Variants in TMEM181 observed in about 807,000 individuals in gnomAD.
The protein encoded by TMEM181 is transmembrane protein 181.
In TMEM181, 39 loss-of-function variants were observed where a neutral mutation model predicts 71.9. That is an observed-to-expected ratio of 0.54 (90% CI 0.42 to 0.71). The LOEUF (loss-of-function observed/expected upper bound fraction) is 0.71, where lower values mean the gene tolerates loss of function less well. Among genes scored for constraint, TMEM181 ranks in the 30% least tolerant of loss-of-function variants. The probability of loss-of-function intolerance (pLI) is 0.00; values close to 1 mark genes in which losing one functional copy is unlikely to be tolerated. For missense variants in TMEM181, 595 were observed against 583.0 expected, an observed-to-expected ratio of 1.02 and a Z score of -0.21; for synonymous variants, 245 against 228.8, an observed-to-expected ratio of 1.07 and a Z score of -0.64.
At chr6:158,597,942 AT>A (rs1177868016) in intron 6 of TMEM181, among the ~76,000 whole-genome samples, 8 of 152,202 alleles carry the variant, frequency 5.3e-5, no homozygotes, top group Non-Finnish European at 1.0e-4. Context: ...GAGGGGACAG[AT>A]TCCAACTGTA....
chr6:158,560,280 C>G, intron 1 of TMEM181, 48 bp downstream of exon 1: 1 of 985,250 alleles, frequency 1.0e-6, no homozygotes, highest in Non-Finnish European at 1.2e-6. Flanking sequence ...CCGGACACTC[C>G]GGCCGAAAGT....
At chr6:158,546,049 C>T (rs1781516998) in intron 1 of TMEM181, among the ~76,000 whole-genome samples, 1 of 152,168 alleles carries the variant, frequency 6.6e-6, no homozygotes, top group African/African-American at 2.4e-5. Flanking sequence ...ATGACCGGGG[C>T]AGTGTTTCTG....
chr6:158,616,493 C>A (rs1785621184), intron 10 of TMEM181, among the ~76,000 whole-genome samples: 2 of 152,124 alleles, frequency 1.3e-5, no homozygotes, highest in Non-Finnish European at 1.5e-5. Flanking sequence ...TCCTGCCTGA[C>A]TGCCCGGGCC....
At chr6:158,541,251 A>G (rs1781328662) in intron 1 of TMEM181, among the ~76,000 whole-genome samples, 1 of 151,998 alleles carries the variant, frequency 6.6e-6, no homozygotes, top group Admixed American at 6.6e-5. Flanking sequence ...CTCCATCTCT[A>G]CTAAAAAAAA....
intron 6 of TMEM181, among the ~76,000 whole-genome samples, chr6:158,594,249 C>T (rs1784272090): frequency 6.6e-6 from 1 of 151,816 alleles, no homozygotes; most frequent in South Asian, 2.1e-4. Flanking sequence ...CAGGTGCGCA[C>T]CACTATGCGT....
At chr6:158,616,698 C>T (rs1254448154) in intron 10 of TMEM181, among the ~76,000 whole-genome samples, 1 of 152,146 alleles carries the variant, frequency 6.6e-6, no homozygotes, top group Admixed American at 6.5e-5. Context: ...GCATGAAGCG[C>T]TGTTGAATTT....
chr6:158,628,380 ATT>A, intron 13 of TMEM181, 26 bp from the exon 14 acceptor site: 1 of 1,611,944 alleles, frequency 6.2e-7, no homozygotes, highest in Non-Finnish European at 8.5e-7. Context: ...ATGTTTACAT[ATT>A]GTCTCTGCTC....
intron 10 of TMEM181, among the ~76,000 whole-genome samples, chr6:158,622,348 G>A (rs1468591984): frequency 1.3e-5 from 2 of 152,210 alleles, no homozygotes. Context: ...GATAAGTGAG[G>A]GGAATGGTGT....
intron 1 of TMEM181, among the ~76,000 whole-genome samples, chr6:158,566,346 A>G (rs1234688104): frequency 6.6e-6 from 1 of 151,716 alleles, no homozygotes; most frequent in African/African-American, 2.4e-5. Flanking sequence ...GAGATTACCA[A>G]GGGAGTGAGA....
chr6:158,581,141 C>A, intron 3 of TMEM181, 146 bp downstream of exon 3: 2 of 718,300 alleles, frequency 2.8e-6, no homozygotes, highest in Non-Finnish European at 4.6e-6. Context: ...CCATTGTCAG[C>A]TGCTGGCATC....
intron 11 of TMEM181, among the ~76,000 whole-genome samples, chr6:158,624,343 A>AGC (rs879584780): frequency 0.13 from 20,308 of 152,226 alleles, 1,495 homozygotes; most frequent in Middle Eastern, 0.2. Flanking sequence ...TTTTGAGAAA[A>AGC]ATGATCCCGA....
At chr6:158,629,214 T>C (rs1786523847) in intron 14 of TMEM181, among the ~76,000 whole-genome samples, 1 of 152,242 alleles carries the variant, frequency 6.6e-6, no homozygotes, top group Admixed American at 6.5e-5. Context: ...TATGTCCCAG[T>C]TAATGCATGA....
chr6:158,561,515 C>T (rs1782173782), intron 1 of TMEM181, among the ~76,000 whole-genome samples: 1 of 152,196 alleles, frequency 6.6e-6, no homozygotes, highest in Non-Finnish European at 1.5e-5. Flanking sequence ...GGAGTTCTCT[C>T]ACGCGCTGCC....
intron 8 of TMEM181, 24 bp downstream of exon 8, chr6:158,607,367 G>A: frequency 2.5e-6 from 4 of 1,607,266 alleles, no homozygotes; most frequent in Non-Finnish European, 3.4e-6. Context: ...TTTTTACTTA[G>A]GAACTTTTCC....
chr6:158,606,635 T>A (rs1784974394), intron 7 of TMEM181, among the ~76,000 whole-genome samples: 1 of 152,266 alleles, frequency 6.6e-6, no homozygotes, highest in African/African-American at 2.4e-5. Context: ...TGTTATATAA[T>A]GTTTTAAAGC....
intron 6 of TMEM181, among the ~76,000 whole-genome samples, chr6:158,594,528 A>G (rs1187913637): frequency 1.3e-5 from 2 of 152,058 alleles, no homozygotes. Flanking sequence ...ATTTCTTTTT[A>G]TCATGGAATA....
intron 2 of TMEM181, among the ~76,000 whole-genome samples, chr6:158,580,128 C>T (rs1015200531): frequency 1.3e-5 from 2 of 152,146 alleles, no homozygotes; most frequent in East Asian, 3.9e-4. Flanking sequence ...GTCAGGAGTT[C>T]GAGACCAGCC....
chr6:158,545,033 C>G (rs1440906825), intron 1 of TMEM181, among the ~76,000 whole-genome samples: 1 of 152,234 alleles, frequency 6.6e-6, no homozygotes, highest in Non-Finnish European at 1.5e-5. Context: ...GAAGCTGGCA[C>G]CTTAGAGCCG....
intron 13 of TMEM181, 136 bp from the exon 14 acceptor site, chr6:158,628,272 A>ATG (rs370624321): frequency 1.3e-6 from 1 of 773,890 alleles, no homozygotes; most frequent in Non-Finnish European, 2.2e-6. Flanking sequence ...GCATCTGTGC[A>ATG]TGTGTGTGGA....
Sources: gnomAD v4.1 joint callset for allele counts (sites outside exome capture counted in the v4.1 genomes callset) on GRCh38, gnomAD v4.1.1 for gene constraint, MANE v1.5 for transcripts, NCBI Gene and HGNC (gene_info 2026-07-23, HGNC 2026-07-21) for gene names.